The following AADACL2 variants were observed in gnomAD, a reference collection of about 807,000 sequenced individuals.
AADACL2 encodes the protein arylacetamide deacetylase like 2.
A neutral mutation model predicts 22.3 loss-of-function variants in AADACL2; 23 were observed. The observed-to-expected ratio is 1.03, with a 90% CI of 0.74 to 1.46. The LOEUF is 1.46. Ranked by LOEUF, AADACL2 falls within the 40% of genes most tolerant of loss-of-function variation. The pLI is 0.00. For synonymous variants in AADACL2, 177 were observed against 166.2 expected, an observed-to-expected ratio of 1.07 and a Z score of -0.50; for missense variants, 472 against 482.9, an observed-to-expected ratio of 0.98 and a Z score of 0.21.
intron 4 of AADACL2, among the ~76,000 whole-genome samples, chr3:151,756,658 G>C (rs1713918925): frequency 6.6e-6 from 1 of 151,656 alleles, no homozygotes; most frequent in Non-Finnish European, 1.5e-5. Flanking sequence ...AATATCTTTA[G>C]AATTGGATCA....
chr3:151,750,968 T>C (rs1030375002), intron 4 of AADACL2, among the ~76,000 whole-genome samples: 13 of 152,176 alleles, frequency 8.5e-5, no homozygotes, highest in African/African-American at 3.1e-4. Context: ...CAACCCAACC[T>C]GTTACACTTT....
intron 4 of AADACL2, among the ~76,000 whole-genome samples, chr3:151,750,705 T>G (rs574662541): frequency 6.6e-6 from 1 of 152,288 alleles, no homozygotes; most frequent in Admixed American, 6.5e-5. Flanking sequence ...TCTTTCCTTT[T>G]AAGTATTATA....
At chr3:151,746,696 A>G (rs777487124) in intron 4 of AADACL2, among the ~76,000 whole-genome samples, 1 of 152,032 alleles carries the variant, frequency 6.6e-6, no homozygotes, top group Non-Finnish European at 1.5e-5. Context: ...TATTGAGATG[A>G]TCATGTAATT....
rs1714100457 is a variant in AADACL2 at position 151,760,344 on chromosome 3, A to C, written c.*2750A>C. On this transcript the variant is annotated 3_prime_UTR_variant, in exon 5 of 5. Coordinates refer to ENST00000356517, the MANE Select transcript of AADACL2 (RefSeq NM_207365.4). ...TCCTTTCTAAGAGAAACAGTGATGC[A>C]GAACCTGAGAGTCAAATTTAATATT... is the stretch of plus-strand genomic sequence containing the variant. 1 of 152,210 alleles carries C rather than the reference A, an allele frequency of 6.6e-6. No individual in the cohort carries two copies. Among genetic ancestry groups the C allele is most frequent in the Admixed American group, 6.5e-5 (1 of 15,280 alleles). 9.4% of individuals were successfully genotyped at this position (152,210 alleles called of 1,614,324 possible).
At chr3:151,737,609 G>A (rs1179002654) in intron 1 of AADACL2, among the ~76,000 whole-genome samples, 1 of 152,038 alleles carries the variant, frequency 6.6e-6, no homozygotes, top group Non-Finnish European at 1.5e-5. Flanking sequence ...TCTCTTTGAA[G>A]GTCTCTAAGA....
intron 4 of AADACL2, among the ~76,000 whole-genome samples, chr3:151,752,837 T>C (rs543209760): frequency 6.6e-6 from 1 of 152,314 alleles, no homozygotes; most frequent in African/African-American, 2.4e-5. Flanking sequence ...TTTAGGTTTA[T>C]AGCTTTGGTC....
At chr3:151,748,720 A>C (rs1560284869) in intron 4 of AADACL2, among the ~76,000 whole-genome samples, 1 of 152,164 alleles carries the variant, frequency 6.6e-6, no homozygotes, top group East Asian at 1.9e-4. Flanking sequence ...CTCTTTCATG[A>C]GTTAAAGCAG....
Position 151,758,355 on chromosome 3 carries a change from A to T in AADACL2, c.*761A>T, listed in dbSNP as rs1714027643. 6.6e-6 allele frequency: 1 copy of T among 152,032 alleles called. No individual in the cohort carries two copies. Among genetic ancestry groups the T allele is most frequent in the African/African-American group, 2.4e-5 (1 of 41,370 alleles). 9.4% of individuals were successfully genotyped at this position (152,032 alleles called of 1,614,324 possible). On this transcript the variant is annotated 3_prime_UTR_variant, in exon 5 of 5. Coordinates refer to ENST00000356517, the MANE Select transcript of AADACL2 (RefSeq NM_207365.4). ...CTATGGGCTTCTCTTAGAAAAACAC[A>T]TGTGTTTACATTTAGGAGGGTCCAC...
intron 4 of AADACL2, chr3:151,751,577 T>A (rs764732414): frequency 1.3e-5 from 2 of 151,978 alleles, no homozygotes; most frequent in African/African-American, 2.4e-5. Context: ...AGCAACTCAA[T>A]AGACTGAGGC....
At position 151,734,066 on chromosome 3, in the gene AADACL2, C is replaced by T; in HGVS notation, c.31C>T (p.Leu11Phe). Residue 11 changes from leucine to phenylalanine, a missense_variant, in exon 1 of 5, where the codon CTT becomes TTT. This residue lies in a region of AADACL2 where 356 missense variants were observed against 365.5 expected (regional missense o/e 0.97). Coordinates refer to ENST00000356517, the MANE Select transcript of AADACL2 (RefSeq NM_207365.4). ...GCTAAAAGCTCTCTGTTTGGGGCTG[C>T]TTTGTGTTCTTTTTGTCTCTCATTT... MGLKALCLGLLCVLFVSHFYT... is the reference protein window; with the variant it reads MGLKALCLGLFCVLFVSHFYT... The T allele has an allele frequency of 6.2e-7, 1 of 1,613,086 alleles. No individual in the cohort carries two copies.
At chr3:151,755,114 G>C (rs1041103651) in intron 4 of AADACL2, 1 of 151,874 alleles carries the variant, frequency 6.6e-6, no homozygotes, top group African/African-American at 2.4e-5. Context: ...TATTATTCCT[G>C]GCTCCAGATA....
Position 151,759,125 on chromosome 3 carries a change from A to C in AADACL2, c.*1531A>C, listed in dbSNP as rs1714061639. 1 of 152,158 alleles carries C rather than the reference A, an allele frequency of 6.6e-6. No individual in the cohort carries two copies. The highest frequency in any genetic ancestry group is 2.4e-5 in the African/African-American group (1 of 41,464). 9.4% of individuals were successfully genotyped at this position (152,158 alleles called of 1,614,324 possible). A position where few individuals can be genotyped will look rare whatever the true frequency, so the allele number is the denominator to read the frequency against. The stretch of plus-strand genomic sequence containing the variant: ...ATCTGTTTTTTTCCTCTGAGAAATA[A>C]AATCTAAATGGAGATTTGATACTAT... On this transcript the variant is annotated 3_prime_UTR_variant, in exon 5 of 5. Transcript: ENST00000356517.
chr3:151,744,067 C>T (rs1713361283), intron 2 of AADACL2, 26 bp from the exon 3 acceptor site: 1 of 1,606,134 alleles, frequency 6.2e-7, no homozygotes, highest in African/African-American at 1.3e-5. Context: ...ACAGGAAATA[C>T]TTTGATGTTT....
At chr3:151,736,165 GA>G (rs1713079248) in intron 1 of AADACL2, among the ~76,000 whole-genome samples, 1 of 151,642 alleles carries the variant, frequency 6.6e-6, no homozygotes, top group Non-Finnish European at 1.5e-5. Context: ...TTATTTTTCT[GA>G]AAAAAATTTA....
rs925937749 is a variant in AADACL2 at position 151,759,209 on chromosome 3, G to A, written c.*1615G>A. ...TTTCATAATTCTGATTTAATCTCCT[G>A]TAAACTTGATATATTTTAAAATTTG... On this transcript the variant is annotated 3_prime_UTR_variant, in exon 5 of 5. Transcript: ENST00000356517. The A allele has an allele frequency of 1.3e-5, 2 of 152,004 alleles. No homozygotes were observed. The highest frequency in any genetic ancestry group is 2.9e-5 in the Non-Finnish European group (2 of 67,964). 9.4% of individuals were successfully genotyped at this position (152,004 alleles called of 1,614,324 possible). A position where few individuals can be genotyped will look rare whatever the true frequency, so the allele number is the denominator to read the frequency against.
At chr3:151,748,593 A>T (rs1044741866) in intron 4 of AADACL2, among the ~76,000 whole-genome samples, 2 of 152,232 alleles carry the variant, frequency 1.3e-5, no homozygotes, top group Non-Finnish European at 2.9e-5. Context: ...CTTGCTCTCC[A>T]GGGAATGAAA....
chr3:151,760,407 T>TG lies in AADACL2; in HGVS notation c.*2814dup, dbSNP rs1442958372. On this transcript the variant is annotated 3_prime_UTR_variant, in exon 5 of 5. Coordinates refer to ENST00000356517, the MANE Select transcript of AADACL2 (RefSeq NM_207365.4). The stretch of plus-strand genomic sequence containing the variant: ...AGGCAAGGGTTTATGTTACAGTTTG[T>TG]GTACTAGTCCAAGTCCCAAGTTGTG... 6.6e-6 allele frequency: 1 copy of TG among 152,088 alleles called. No individual in the cohort carries two copies. The highest frequency in any genetic ancestry group is 2.4e-5 in the African/African-American group (1 of 41,432). 9.4% of individuals were successfully genotyped at this position (152,088 alleles called of 1,614,324 possible).
At chr3:151,750,158 A>G (rs1439742384) in intron 4 of AADACL2, among the ~76,000 whole-genome samples, 1 of 152,242 alleles carries the variant, frequency 6.6e-6, no homozygotes, top group African/African-American at 2.4e-5. Context: ...GTGTGTATTG[A>G]AACATCCTTG....
intron 1 of AADACL2, 61 bp downstream of exon 1, chr3:151,734,234 T>C (rs966755272): frequency 6.5e-7 from 1 of 1,550,152 alleles, no homozygotes; most frequent in African/African-American, 1.4e-5. Flanking sequence ...TAAAAATGGG[T>C]GCTTATGAAC....
Sources: gnomAD v4.1 joint callset for allele counts (sites outside exome capture counted in the v4.1 genomes callset) on GRCh38, gnomAD v4.1.1 for gene constraint, gnomAD v4.1.1 regional missense constraint, MANE v1.5 for transcripts, NCBI Gene and HGNC (gene_info 2026-07-23, HGNC 2026-07-21) for gene names.